The following ATRN variants were observed in gnomAD, a reference collection of about 807,000 sequenced individuals.
The protein encoded by ATRN is attractin-2.
Under a neutral mutation model 178.7 loss-of-function variants are expected in ATRN, and 54 were observed. The observed-to-expected ratio is 0.30, with a 90% CI of 0.24 to 0.38. ATRN has a LOEUF of 0.38. ATRN is among the 10% of genes least tolerant of loss of function. The probability of loss-of-function intolerance (pLI) is 1.00; values close to 1 mark genes in which losing one functional copy is unlikely to be tolerated. For synonymous variants in ATRN, 636 were observed against 663.0 expected, an observed-to-expected ratio of 0.96 and a Z score of 0.63; for missense variants, 1,443 against 1,815.1, an observed-to-expected ratio of 0.79 and a Z score of 3.73.
At chr20:3,544,858 A>C (rs1048967279) in intron 3 of ATRN, among the ~76,000 whole-genome samples, 16 of 151,012 alleles carry the variant, frequency 1.1e-4, no homozygotes, top group Admixed American at 7.2e-4. Flanking sequence ...GTCACACAAC[A>C]AACATTTAGA....
intron 3 of ATRN, among the ~76,000 whole-genome samples, chr20:3,543,149 C>G (rs1400668591): frequency 6.6e-6 from 1 of 152,180 alleles, no homozygotes; most frequent in African/African-American, 2.4e-5. Flanking sequence ...TCCCTCTGCT[C>G]TCTTTCCCTT....
chr20:3,646,756 C>T lies in ATRN; in HGVS notation c.4199C>T (p.Ser1400Phe). 2 of 1,605,706 alleles carry T rather than the reference C, an allele frequency of 1.2e-6. No individual in the cohort carries two copies. The highest frequency in any genetic ancestry group is 1.7e-6 in the Non-Finnish European group (2 of 1,175,902). Residue 1400 changes from serine to phenylalanine, a missense_variant, in exon 29 of 29, where the codon TCT (serine) becomes TTT (phenylalanine). Ser to Phe is a radical substitution (Grantham distance 155). Coordinates refer to ENST00000262919, the MANE Select transcript of ATRN (RefSeq NM_139321.3). The stretch of plus-strand genomic sequence containing the variant: ...GTGGCCAGCGCCCTGGTGGACATTT[C>T]TCAGCAGATGCCGATAGTGTACAAG... ...LAVASALVDI[S>F]QQMPIVYKEK...
At position 3,562,503 on chromosome 20, in the gene ATRN, G is replaced by A. The variant is rs543121309; in HGVS notation, c.1631+44G>A. The A allele has an allele frequency of 2.5e-6, 4 of 1,584,756 alleles. No individual in the cohort carries two copies. The South Asian group carries it at 3.4e-5, about 13-fold the overall frequency. ...GCTTTCACTTTAAGGTGTAAATTCTGTAGAGGCAATTGTGGAGAAAATATT... is the reference window on the plus strand; with the variant it reads ...GCTTTCACTTTAAGGTGTAAATTCTATAGAGGCAATTGTGGAGAAAATATT... On this transcript the variant is annotated intron_variant, in intron 9 of 28. Transcript: ENST00000262919.
At chr20:3,532,033 G>A (rs1191919193) in intron 1 of ATRN, among the ~76,000 whole-genome samples, 1 of 152,164 alleles carries the variant, frequency 6.6e-6, no homozygotes, top group African/African-American at 2.4e-5. Flanking sequence ...CAGAGGCTTT[G>A]GTAGGAGGAT....
intron 1 of ATRN, among the ~76,000 whole-genome samples, chr20:3,530,287 A>G (rs2085434336): frequency 4.0e-5 from 6 of 149,272 alleles, no homozygotes; most frequent in Admixed American, 3.4e-4. Context: ...TTTTGGAGAC[A>G]GAGTTTTGCT....
rs192090872 is a variant in ATRN at position 3,623,148 on chromosome 20, A to G, written c.3802-1363A>G. Among the ~76,000 whole-genome samples, 11 of 152,310 alleles carry G rather than the reference A, an allele frequency of 7.2e-5. No homozygotes were observed. In the East Asian group the frequency reaches 1.9e-3, roughly 27 times the overall value. On this transcript the variant is annotated intron_variant, in intron 24 of 28. Coordinates refer to ENST00000262919, the MANE Select transcript of ATRN (RefSeq NM_139321.3). ...TTATGTGTTATAACTTGGATTCTTC[A>G]TTCCCCAAAATGACCTTGTTTATAT...
At chr20:3,621,357 G>A (rs1468005208) in intron 24 of ATRN, among the ~76,000 whole-genome samples, 1 of 117,180 alleles carries the variant, frequency 8.5e-6, no homozygotes, top group Non-Finnish European at 2.2e-5. Context: ...ATTAGTGATT[G>A]AGGAAGTGCA....
chr20:3,561,796 T>G (rs1229224260), intron 8 of ATRN, among the ~76,000 whole-genome samples: 1 of 152,232 alleles, frequency 6.6e-6, no homozygotes, highest in Non-Finnish European at 1.5e-5. Flanking sequence ...GGCACAATCA[T>G]AGCTCACTGC....
At chr20:3,492,380 A>G (rs1218812419) in intron 1 of ATRN, among the ~76,000 whole-genome samples, 1 of 152,128 alleles carries the variant, frequency 6.6e-6, no homozygotes, top group African/African-American at 2.4e-5. Context: ...TTCATTCCAC[A>G]GTCTGTGCAG....
chr20:3,587,825 G>A (rs565952130), intron 18 of ATRN, among the ~76,000 whole-genome samples: 1 of 150,098 alleles, frequency 6.7e-6, no homozygotes, highest in African/African-American at 2.5e-5. Context: ...GGGGTGTATT[G>A]CCTGTTTGTT....
At chr20:3,515,339 A>G (rs964348370) in intron 1 of ATRN, among the ~76,000 whole-genome samples, 2 of 152,156 alleles carry the variant, frequency 1.3e-5, no homozygotes, top group African/African-American at 4.8e-5. Flanking sequence ...GTGTGAGATC[A>G]CCTACCTAGT....
intron 11 of ATRN, among the ~76,000 whole-genome samples, chr20:3,566,903 T>TCAA (rs2086043728): frequency 1.4e-4 from 1 of 7,046 alleles, no homozygotes. Flanking sequence ...AGACTCCATC[T>TCAA]CAAAAAAAAA....
chr20:3,552,084 T>C (rs1268500013), intron 6 of ATRN, among the ~76,000 whole-genome samples: 1 of 152,244 alleles, frequency 6.6e-6, no homozygotes, highest in South Asian at 2.1e-4. Flanking sequence ...TTTCTTTAGT[T>C]GGCTTCTAGG....
At position 3,562,200 on chromosome 20, in the gene ATRN, C is replaced by A. The variant is rs904330962; in HGVS notation, c.1448-76C>A. 3.9e-6 allele frequency: 5 copies of A among 1,296,722 alleles called. No individual in the cohort carries two copies. The African/African-American group carries it at 5.9e-5, about 15-fold the overall frequency. 80.3% of individuals were successfully genotyped at this position (1,296,722 alleles called of 1,614,324 possible). A position where few individuals can be genotyped will look rare whatever the true frequency, so the allele number is the denominator to read the frequency against. On this transcript the variant is annotated intron_variant, in intron 8 of 28. Transcript: ENST00000262919. The stretch of plus-strand genomic sequence containing the variant: ...GTCTCCTGAAATCCATTCTCATGCC[C>A]TAAGCTCTTTGGACATTTTCAGTAG...
intron 1 of ATRN, among the ~76,000 whole-genome samples, chr20:3,484,712 A>G (rs1003448111): frequency 2.6e-5 from 4 of 152,006 alleles, no homozygotes; most frequent in Non-Finnish European, 5.9e-5. Context: ...CATCTTTATT[A>G]TAGAGGGTCT....
intron 1 of ATRN, among the ~76,000 whole-genome samples, chr20:3,476,508 C>A (rs1252258541): frequency 1.3e-5 from 2 of 152,200 alleles, no homozygotes; most frequent in Admixed American, 6.5e-5. Flanking sequence ...ATCTTAAATT[C>A]ACTTCAGTCT....
At chr20:3,646,235 T>A (rs2087106945) in intron 28 of ATRN, among the ~76,000 whole-genome samples, 1 of 152,158 alleles carries the variant, frequency 6.6e-6, no homozygotes, top group Admixed American at 6.5e-5. Flanking sequence ...TGGAAGTGAC[T>A]AATGCTGACT....
chr20:3,611,124 C>T (rs1049992214), intron 24 of ATRN, among the ~76,000 whole-genome samples: 6 of 152,104 alleles, frequency 3.9e-5, no homozygotes, highest in Middle Eastern at 3.4e-3. Flanking sequence ...AATCCCAAAA[C>T]GAAACAAAAC....
rs1032916649 is a variant in ATRN, at chr20:3,545,380, A to T, written c.609-382A>T. Among the ~76,000 whole-genome samples, 10 of 151,638 alleles carry T rather than the reference A, an allele frequency of 6.6e-5. No homozygotes were observed. The South Asian group carries it at 1.0e-3, about 16-fold the overall frequency. ...ACTCTGTCTCAAAAAAAAAAAAAAA[A>T]ACAACAAAAACCTCATGTCTTTCAG... On this transcript the variant is annotated intron_variant, in intron 3 of 28. Coordinates refer to ENST00000262919, the MANE Select transcript of ATRN (RefSeq NM_139321.3).
Sources: gnomAD v4.1 joint callset for allele counts (sites outside exome capture counted in the v4.1 genomes callset) on GRCh38, gnomAD v4.1.1 for gene constraint, MANE v1.5 for transcripts, NCBI Gene and HGNC (gene_info 2026-07-23, HGNC 2026-07-21) for gene names.